ACACA: variants seen among roughly 807,000 people sequenced by gnomAD.
ACACA encodes acetyl-CoA carboxylase 1.
A neutral mutation model predicts 296.1 loss-of-function variants in ACACA; 103 were observed. The observed-to-expected ratio is 0.35, with a 90% CI of 0.30 to 0.41. The LOEUF (loss-of-function observed/expected upper bound fraction) is 0.41, where lower values mean the gene tolerates loss of function less well. ACACA is among the 10% of genes least tolerant of loss of function. The pLI is 1.00. For synonymous variants in ACACA, 953 were observed against 1,038.6 expected, an observed-to-expected ratio of 0.92 and a Z score of 1.58; for missense variants, 1,554 against 2,989.7, an observed-to-expected ratio of 0.52 and a Z score of 11.20.
In ACACA at chr17:37,244,738, T is replaced by C. The variant is rs1381924544; in HGVS notation, c.2596-4A>G. 6.2e-7 allele frequency: 1 copy of C among 1,614,080 alleles called. No homozygotes were observed. The highest frequency in any genetic ancestry group is 1.7e-5 in the Admixed American group (1 of 60,004). On this transcript the variant is annotated splice_polypyrimidine_tract_variant and splice_region_variant and intron_variant, in intron 20 of 55. Transcript: ENST00000616317. Reference sequence around the variant, plus strand: ...GACTACCTGTGTGAAGTTCAGCCTGTCAACCCCAACAAGAGATCAAGTCAT... The same window carrying C: ...GACTACCTGTGTGAAGTTCAGCCTGCCAACCCCAACAAGAGATCAAGTCAT...
intron 36 of ACACA, 33 bp from the exon 37 acceptor site, chr17:37,192,338 C>T: frequency 2.5e-6 from 4 of 1,591,880 alleles, no homozygotes; most frequent in East Asian, 2.2e-5. Context: ...AAACAGCTCA[C>T]AAGAGGCAGT....
chr17:37,189,870 A>T (rs1598118239), intron 38 of ACACA, among the ~76,000 whole-genome samples: 1 of 152,242 alleles, frequency 6.6e-6, no homozygotes, highest in Non-Finnish European at 1.5e-5. Flanking sequence ...GATCTCAGAT[A>T]CTAAGTTCAA....
intron 1 of ACACA, among the ~76,000 whole-genome samples, chr17:37,375,390 G>A (rs1326217259): frequency 6.6e-6 from 1 of 152,106 alleles, no homozygotes; most frequent in Admixed American, 6.6e-5. Flanking sequence ...AGGAGGCTGA[G>A]GCAGGAGAAT....
chr17:37,224,074 T>C (rs1049996695), intron 27 of ACACA, among the ~76,000 whole-genome samples: 1 of 152,036 alleles, frequency 6.6e-6, no homozygotes, highest in Non-Finnish European at 1.5e-5. Context: ...TGGTAGTGAG[T>C]GCCTGTAATC....
chr17:37,128,232 A>G (rs556495690), intron 47 of ACACA, among the ~76,000 whole-genome samples: 7 of 152,270 alleles, frequency 4.6e-5, no homozygotes, highest in Non-Finnish European at 1.0e-4. Context: ...TAGAAAAACA[A>G]TGTAATAGCT....
intron 41 of ACACA, among the ~76,000 whole-genome samples, chr17:37,162,326 C>CA (rs1234180127): frequency 2.6e-5 from 4 of 152,158 alleles, no homozygotes; most frequent in African/African-American, 9.7e-5. Flanking sequence ...TAAATGCACT[C>CA]AGGATACATG....
chr17:37,148,926 C>T (rs532241797), intron 45 of ACACA, among the ~76,000 whole-genome samples: 4 of 152,166 alleles, frequency 2.6e-5, no homozygotes, highest in South Asian at 4.1e-4. Context: ...AATTATTATC[C>T]CCCTTTGACA....
chr17:37,142,920 T>C (rs2075653602), intron 45 of ACACA, among the ~76,000 whole-genome samples: 1 of 152,258 alleles, frequency 6.6e-6, no homozygotes, highest in Non-Finnish European at 1.5e-5. Flanking sequence ...GAGAATAATG[T>C]GTTCGTATTT....
intron 3 of ACACA, among the ~76,000 whole-genome samples, chr17:37,316,331 A>ACC (rs1444061331): frequency 6.6e-6 from 1 of 151,526 alleles, no homozygotes; most frequent in East Asian, 1.9e-4. Flanking sequence ...ACACACACAC[A>ACC]CACCCCTAAC....
chr17:37,336,349 G>A (rs763296436), intron 2 of ACACA, among the ~76,000 whole-genome samples: 1 of 152,090 alleles, frequency 6.6e-6, no homozygotes, highest in South Asian at 2.1e-4. Context: ...CTGTTGAGAG[G>A]GGGGACTGAG....
intron 19 of ACACA, among the ~76,000 whole-genome samples, chr17:37,246,592 G>A (rs1046119724): frequency 1.3e-5 from 2 of 151,722 alleles, no homozygotes; most frequent in Admixed American, 6.6e-5. Flanking sequence ...GCCACTGTAC[G>A]CCGCTAATTT....
intron 1 of ACACA, 24 bp downstream of exon 1, chr17:37,406,238 G>GT: frequency 6.2e-7 from 1 of 1,612,724 alleles, no homozygotes; most frequent in Non-Finnish European, 8.5e-7. Context: ...ATTAACAGCA[G>GT]TAATAAGAGA....
At chr17:37,301,466 CA>C (rs1208663666) in intron 3 of ACACA, 105 of 924,656 alleles carry the variant, frequency 1.1e-4, no homozygotes, top group Non-Finnish European at 1.3e-4. Context: ...GTTTACCCGG[CA>C]GACAGTGATG....
intron 1 of ACACA, among the ~76,000 whole-genome samples, chr17:37,369,138 A>T (rs145234823): frequency 6.2e-4 from 95 of 152,328 alleles, no homozygotes; most frequent in African/African-American, 2.1e-3. Context: ...CTACATGAAG[A>T]AATACGGATG....
chr17:37,243,715 T>C (rs2080536599), intron 21 of ACACA, among the ~76,000 whole-genome samples, 156 bp from the exon 22 acceptor site: 1 of 152,338 alleles, frequency 6.6e-6, no homozygotes, highest in South Asian at 2.1e-4. Flanking sequence ...GGAACCCATG[T>C]ATAGAAATAG....
rs183699467 is a variant in ACACA, at chr17:37,176,295, A to G, written c.5079+2965T>C. On this transcript the variant is annotated intron_variant, in intron 41 of 55. Coordinates refer to ENST00000616317, the MANE Select transcript of ACACA (RefSeq NM_198834.3). ...TGAAGGTAATGCAATACCACCCACA[A>G]TGATGACCTGGTAGAGCCGTCACTT... Among the ~76,000 whole-genome samples the G allele has an allele frequency of 5.2e-3, 797 of 152,346 alleles. 8 individuals carry two copies. Among genetic ancestry groups the G allele is most frequent in the African/African-American group, 0.018 (748 of 41,584 alleles).
intron 48 of ACACA, among the ~76,000 whole-genome samples, 198 bp downstream of exon 48, chr17:37,125,500 C>T (rs1427080984): frequency 6.6e-6 from 1 of 152,170 alleles, no homozygotes; most frequent in Non-Finnish European, 1.5e-5. Context: ...AGATTAAACG[C>T]ATCATTGGAG....
In ACACA at chr17:37,210,475, C is replaced by A; in HGVS notation, c.3699G>T (p.Thr1233=). 1.2e-6 allele frequency: 2 copies of A among 1,612,272 alleles called. No individual in the cohort carries two copies. The highest frequency in any genetic ancestry group is 1.7e-6 in the Non-Finnish European group (2 of 1,178,766). Residue 1233 remains threonine (T), a synonymous_variant, in exon 30 of 56, where the codon ACG becomes ACT. Coordinates refer to ENST00000616317, the MANE Select transcript of ACACA (RefSeq NM_198834.3). ...TSHPNRGNIP[T]LNRMSFSSNL... ...AACTAAACATACGGTACCTGTTTAG[C>A]GTAGGGATGTTCCCTCTGTAATTAA...
At chr17:37,396,942 G>A (rs964037470) in intron 1 of ACACA, among the ~76,000 whole-genome samples, 5 of 151,956 alleles carry the variant, frequency 3.3e-5, no homozygotes, top group Admixed American at 6.6e-5. Context: ...CAATGTCCAG[G>A]TTTATTACAT....
Sources: allele counts gnomAD v4.1 joint callset (sites outside exome capture counted in the v4.1 genomes callset), GRCh38; gene constraint gnomAD v4.1.1; transcripts MANE v1.5; gene names NCBI Gene and HGNC (gene_info 2026-07-23, HGNC 2026-07-21).